DNAJC17: variants seen among roughly 807,000 people sequenced by gnomAD.
DNAJC17 encodes DnaJ heat shock protein family (Hsp40) member C17.
DNAJC17 carries 35 observed loss-of-function variants against 48.1 expected under a neutral mutation model. The observed-to-expected ratio is 0.73, with a 90% confidence interval of 0.56 to 0.96. The LOEUF (loss-of-function observed/expected upper bound fraction) is 0.96. DNAJC17 is among the 50% of genes least tolerant of loss of function. DNAJC17 has a pLI of 0.00. For synonymous variants in DNAJC17, 117 were observed against 142.7 expected, an observed-to-expected ratio of 0.82 and a Z score of 1.28; for missense variants, 355 against 377.1, an observed-to-expected ratio of 0.94 and a Z score of 0.48.
chr15:40,770,562 C>T lies in DNAJC17; in HGVS notation c.793-2500G>A. The stretch of plus-strand genomic sequence containing the variant: ...CTTCAAGCAGCTGAGCCTGGGGCGG[C>T]CACGGCGGCTCCGGCGACAGAGTAG... On this transcript the variant is annotated intron_variant, in intron 10 of 10. Transcript: ENST00000220496. The surrounding 1 kb of genome is among the most constrained non-coding windows in gnomAD (Gnocchi z 5.0). 1 of 1,550,654 alleles carries T rather than the reference C, an allele frequency of 6.4e-7. No individual in the cohort carries two copies. The highest frequency in any genetic ancestry group is 8.7e-7 in the Non-Finnish European group (1 of 1,146,974).
chr15:40,767,687 C>CA lies in DNAJC17; in HGVS notation c.*252dup. The CA allele has an allele frequency of 1.6e-6, 1 of 614,176 alleles. No individual in the cohort carries two copies. Among genetic ancestry groups the CA allele is most frequent in the East Asian group, 3.1e-5 (1 of 32,102 alleles). The allele number at this position is 614,176 out of a possible 1,614,324, so 38.0% of individuals were successfully genotyped here. ...TGGCTCCTGCATAGCTAGCCCAAGC[C>CA]AATAAAGGGCTGTGATGAGTGGCTG... On this transcript the variant is annotated 3_prime_UTR_variant, in exon 11 of 11. Coordinates refer to ENST00000220496, the MANE Select transcript of DNAJC17 (RefSeq NM_018163.3).
At position 40,766,785 on chromosome 15, in the gene DNAJC17, A is replaced by AT. The variant is rs1472810900; in HGVS notation, c.*1154dup. ...AGGGCAGTGAGGGGCCTGGAGGCTT[A>AT]TTTTTTTTTGAAATGGAGTCTCTGT... On this transcript the variant is annotated 3_prime_UTR_variant, in exon 11 of 11. Coordinates refer to ENST00000220496, the MANE Select transcript of DNAJC17 (RefSeq NM_018163.3). 1.3e-3 allele frequency: 203 copies of AT among 152,466 alleles called. No individual in the cohort carries two copies. The highest frequency in any genetic ancestry group is 4.2e-3 in the African/African-American group (174 of 41,408). 9.4% of individuals were successfully genotyped at this position (152,466 alleles called of 1,614,324 possible). A position where few individuals can be genotyped will look rare whatever the true frequency, so the allele number is the denominator to read the frequency against.
chr15:40,782,528 C>G (rs80061590), intron 1 of DNAJC17, among the ~76,000 whole-genome samples: 6,304 of 152,182 alleles, frequency 0.041, 286 homozygotes, highest in African/African-American at 0.11. Flanking sequence ...TAAGTGAAGA[C>G]AGTGTACACA....
intron 1 of DNAJC17, among the ~76,000 whole-genome samples, chr15:40,794,306 T>A (rs1182784735): frequency 2.0e-5 from 3 of 151,004 alleles, no homozygotes; most frequent in Admixed American, 1.3e-4. Flanking sequence ...GCTGAGATTG[T>A]GCCACTGCAC....
intron 1 of DNAJC17, among the ~76,000 whole-genome samples, chr15:40,800,002 TTTG>T (rs796308273): frequency 8.2e-4 from 125 of 151,624 alleles, no homozygotes; most frequent in Non-Finnish European, 1.5e-3. Context: ...GGGTTTTTTT[TTTG>T]TTGTTGTTGT....
At chr15:40,804,223 G>A (rs1436608796) in intron 1 of DNAJC17, among the ~76,000 whole-genome samples, 5 of 151,682 alleles carry the variant, frequency 3.3e-5, no homozygotes. Context: ...TTCCACCTTG[G>A]CCTCCCAAAG....
At chr15:40,779,798 G>A in intron 2 of DNAJC17, 130 bp downstream of exon 2, 5 of 1,187,254 alleles carry the variant, frequency 4.2e-6, no homozygotes, top group Non-Finnish European at 6.1e-6. Flanking sequence ...GGGAAGCCCT[G>A]GGACCCATTG....
At chr15:40,774,912 A>G (rs80121732) in intron 8 of DNAJC17, 119 bp downstream of exon 8, 21,964 of 1,052,336 alleles carry the variant, frequency 0.021, 630 homozygotes, top group African/African-American at 0.12. Context: ...TCTATGAGAC[A>G]GAAAAAAAAA....
intron 1 of DNAJC17, among the ~76,000 whole-genome samples, chr15:40,803,376 T>G (rs1006247239): frequency 1.3e-5 from 2 of 152,242 alleles, no homozygotes; most frequent in Non-Finnish European, 2.9e-5. Context: ...CACCAGGGCC[T>G]AGGTTTTTCT....
chr15:40,776,487 C>A (rs1431278094), intron 5 of DNAJC17, 55 bp downstream of exon 5: 2 of 1,597,396 alleles, frequency 1.3e-6, no homozygotes, highest in Non-Finnish European at 1.7e-6. Context: ...GGTCCATCCT[C>A]CCCCACCTCC....
Position 40,770,825 on chromosome 15 carries a change from G to A in DNAJC17, c.793-2763C>T. On this transcript the variant is annotated intron_variant, in intron 10 of 10. Coordinates refer to ENST00000220496, the MANE Select transcript of DNAJC17 (RefSeq NM_018163.3). The surrounding 1 kb of genome is among the most constrained non-coding windows in gnomAD (Gnocchi z 5.0). ...ACACAGCAGCCTACTCTGCCACCCT[G>A]CCATCGGCGCTCTCTCTGTCGAGTG... The A allele has an allele frequency of 1.3e-6, 2 of 1,551,054 alleles. No individual in the cohort carries two copies. The highest frequency in any genetic ancestry group is 1.4e-5 in the African/African-American group (1 of 73,164).
chr15:40,800,500 ATTT>A (rs1890050067), intron 1 of DNAJC17, among the ~76,000 whole-genome samples: 1 of 142,888 alleles, frequency 7.0e-6, no homozygotes, highest in Admixed American at 6.9e-5. Context: ...TTTTTTTTTA[ATTT>A]TTTTACAGAC....
chr15:40,806,520 T>A (rs776257711), intron 1 of DNAJC17, among the ~76,000 whole-genome samples: 6 of 152,010 alleles, frequency 3.9e-5, no homozygotes, highest in African/African-American at 7.3e-5. Context: ...CCCGGCCTAG[T>A]AGACACTAAT....
chr15:40,799,898 G>A (rs1566831124), intron 1 of DNAJC17, among the ~76,000 whole-genome samples: 1 of 152,090 alleles, frequency 6.6e-6, no homozygotes, highest in Non-Finnish European at 1.5e-5. Context: ...CATCCAGGCT[G>A]GAGTGCAGTG....
chr15:40,767,185 T>C lies in DNAJC17; in HGVS notation c.*755A>G. On this transcript the variant is annotated 3_prime_UTR_variant, in exon 11 of 11. Coordinates refer to ENST00000220496, the MANE Select transcript of DNAJC17 (RefSeq NM_018163.3). ...CACTAGCTTTGTACCAGGAGCTTGC[T>C]GTGTGCCCCTCCTCACCCCCCCCAT... 6 of 1,454,318 alleles carry C rather than the reference T, an allele frequency of 4.1e-6. No homozygotes were observed. Among genetic ancestry groups the C allele is most frequent in the Non-Finnish European group, 5.5e-6 (6 of 1,100,610 alleles). The allele number at this position is 1,454,318 out of a possible 1,614,324, so 90.1% of individuals were successfully genotyped here. A position where few individuals can be genotyped will look rare whatever the true frequency, so the allele number is the denominator to read the frequency against.
Position 40,767,256 on chromosome 15 carries a change from CAT to C in DNAJC17, c.*682_*683del. 2.5e-6 allele frequency: 4 copies of C among 1,596,092 alleles called. No individual in the cohort carries two copies. Among genetic ancestry groups the C allele is most frequent in the Non-Finnish European group, 3.4e-6 (4 of 1,171,456 alleles). ...AATACTACGTCGATGACCCTCCCCG[CAT>C]AGTCCTGGACAAGCTGGAACGCAGG... On this transcript the variant is annotated 3_prime_UTR_variant, in exon 11 of 11. Coordinates refer to ENST00000220496, the MANE Select transcript of DNAJC17 (RefSeq NM_018163.3).
chr15:40,804,985 G>C (rs534317370), intron 1 of DNAJC17, among the ~76,000 whole-genome samples: 1 of 152,232 alleles, frequency 6.6e-6, no homozygotes, highest in South Asian at 2.1e-4. Context: ...CTAGGCAAGA[G>C]AGTGAGACTC....
rs559205074 is a variant in DNAJC17, at chr15:40,806,464, G to A, written c.78+905C>T. On this transcript the variant is annotated intron_variant, in intron 1 of 10. Transcript: ENST00000220496. ...GAACTTCTGACCACATGATCCGCCCGCCTCGGCCTCCCAAAGTGCTGAGAT... is the reference window on the plus strand; with the variant it reads ...GAACTTCTGACCACATGATCCGCCCACCTCGGCCTCCCAAAGTGCTGAGAT... Among the ~76,000 whole-genome samples, 63 of 152,098 alleles carry A rather than the reference G, an allele frequency of 4.1e-4. 1 individual carries two copies. The South Asian group carries it at 6.2e-3, about 15-fold the overall frequency.
chr15:40,802,382 CT>C (rs1277232587), intron 1 of DNAJC17, among the ~76,000 whole-genome samples: 1 of 152,036 alleles, frequency 6.6e-6, no homozygotes, highest in Non-Finnish European at 1.5e-5. Flanking sequence ...GTTGGCCAGG[CT>C]GTCTAAAACT....
Sources: allele counts gnomAD v4.1 joint callset (sites outside exome capture counted in the v4.1 genomes callset), GRCh38; gene constraint gnomAD v4.1.1; non-coding constraint Gnocchi (gnomAD v3.1); transcripts MANE v1.5; gene names NCBI Gene and HGNC (gene_info 2026-07-23, HGNC 2026-07-21).